Variants in PTPRD observed in about 807,000 individuals in gnomAD.
PTPRD encodes protein tyrosine phosphatase receptor type D.
Under a neutral mutation model 214.5 loss-of-function variants are expected in PTPRD, and 34 were observed. That is an observed-to-expected ratio of 0.16 (90% CI 0.12 to 0.21). PTPRD has a LOEUF of 0.21. PTPRD is among the 10% of genes least tolerant of loss of function. PTPRD has a pLI of 1.00. For missense variants in PTPRD, 2,545 were observed against 2,398.7 expected (o/e 1.06, Z -1.27); for synonymous variants, 1,128 against 845.7 (o/e 1.33, Z -5.79).
intron 3 of PTPRD, among the ~76,000 whole-genome samples, chr9:10,089,765 T>C (rs1243501086): frequency 6.6e-6 from 1 of 151,614 alleles, no homozygotes; most frequent in Admixed American, 6.6e-5. Context: ...GGCCAAATTC[T>C]AACTTCTCTA....
At chr9:9,342,068 C>T (rs895844286) in intron 9 of PTPRD, among the ~76,000 whole-genome samples, 4 of 152,116 alleles carry the variant, frequency 2.6e-5, no homozygotes, top group African/African-American at 9.7e-5. Context: ...CTTGGCCTCC[C>T]AAAGTGCTGG....
chr9:10,112,218 C>G (rs905039320), intron 3 of PTPRD, among the ~76,000 whole-genome samples: 1 of 152,100 alleles, frequency 6.6e-6, no homozygotes, highest in Non-Finnish European at 1.5e-5. Flanking sequence ...CACCAGAAGC[C>G]GACTAGCCAG....
At chr9:10,103,389 ATATATT>A (rs1013522304) in intron 3 of PTPRD, among the ~76,000 whole-genome samples, 2 of 139,410 alleles carry the variant, frequency 1.4e-5, no homozygotes, top group African/African-American at 2.6e-5. Flanking sequence ...ATATATATAT[ATATATT>A]TATTTAAGAG....
chr9:10,587,131 T>C (rs182760034), intron 2 of PTPRD, among the ~76,000 whole-genome samples: 5 of 152,120 alleles, frequency 3.3e-5, no homozygotes, highest in Admixed American at 3.3e-4. Flanking sequence ...GGTGTAATCA[T>C]GAAAAGACCC....
intron 2 of PTPRD, among the ~76,000 whole-genome samples, chr9:10,389,301 T>A (rs2098003018): frequency 6.6e-6 from 1 of 151,896 alleles, no homozygotes; most frequent in Non-Finnish European, 1.5e-5. Context: ...ATGCTCCCAG[T>A]GTGAGAATTA....
intron 5 of PTPRD, among the ~76,000 whole-genome samples, chr9:9,807,771 G>T (rs1011184960): frequency 6.6e-6 from 1 of 152,086 alleles, no homozygotes; most frequent in African/African-American, 2.4e-5. Flanking sequence ...GAAAACATAG[G>T]ATTTCTACTC....
At chr9:9,891,530 A>T (rs551954241) in intron 5 of PTPRD, among the ~76,000 whole-genome samples, 11 of 152,236 alleles carry the variant, frequency 7.2e-5, no homozygotes, top group African/African-American at 2.4e-4. Flanking sequence ...CACTCTTAAC[A>T]ACACATATGA....
At chr9:8,677,529 A>T (rs925147101) in intron 12 of PTPRD, among the ~76,000 whole-genome samples, 1 of 152,156 alleles carries the variant, frequency 6.6e-6, no homozygotes, top group Non-Finnish European at 1.5e-5. Flanking sequence ...TTGAGGGTGG[A>T]GGGTGAGGAG....
chr9:9,826,996 A>G (rs1328676542), intron 5 of PTPRD, among the ~76,000 whole-genome samples: 2 of 152,164 alleles, frequency 1.3e-5, no homozygotes, highest in East Asian at 3.9e-4. Flanking sequence ...GCTCAATGAA[A>G]TAAATGAGGA....
intron 11 of PTPRD, among the ~76,000 whole-genome samples, chr9:8,789,814 T>A (rs928844237): frequency 1.3e-5 from 2 of 152,158 alleles, no homozygotes; most frequent in African/African-American, 2.4e-5. Flanking sequence ...TCCAGGTGGA[T>A]TGAAGACTTA....
intron 3 of PTPRD, among the ~76,000 whole-genome samples, chr9:10,270,480 T>G (rs1356930094): frequency 6.6e-6 from 1 of 152,182 alleles, no homozygotes. Context: ...ACAAAGCAAT[T>G]TTTATCTGTC....
chr9:9,980,187 C>CA (rs1257226514), intron 4 of PTPRD, among the ~76,000 whole-genome samples: 4 of 151,834 alleles, frequency 2.6e-5, no homozygotes, highest in African/African-American at 9.7e-5. Context: ...TTTTGATAAA[C>CA]AAAAATTAAC....
intron 3 of PTPRD, among the ~76,000 whole-genome samples, chr9:10,068,930 G>A (rs1414094976): frequency 6.6e-6 from 1 of 152,000 alleles, no homozygotes; most frequent in African/African-American, 2.4e-5. Flanking sequence ...TGCATTCGTA[G>A]ACTGCCTTCA....
At chr9:10,228,985 T>C (rs1175886299) in intron 3 of PTPRD, among the ~76,000 whole-genome samples, 2 of 151,914 alleles carry the variant, frequency 1.3e-5, no homozygotes, top group Non-Finnish European at 2.9e-5. Flanking sequence ...TGTTGACATT[T>C]CAGAAGCACT....
Position 10,466,648 on chromosome 9 carries a change from A to G in PTPRD, c.-599-125631T>C, listed in dbSNP as rs916849645. ...CAAAAAAAAAAAAAAAAAAAAAAAA[A>G]AAAGAAAAGAAATTTTATAACAACG... On this transcript the variant is annotated intron_variant, in intron 2 of 45. Transcript: ENST00000381196. Among the ~76,000 whole-genome samples the G allele has an allele frequency of 9.5e-3, 1,361 of 143,368 alleles. 18 individuals are homozygous for G. Among genetic ancestry groups the G allele is most frequent in the Non-Finnish European group, 0.015 (1,000 of 64,868 alleles). The allele number at this position is 143,368 out of a possible 152,430, so 94.1% of individuals were successfully genotyped here. A position where few individuals can be genotyped will look rare whatever the true frequency, so the allele number is the denominator to read the frequency against.
rs138599464 is a variant in PTPRD, at chr9:10,029,888, A to G, written c.-472+3830T>C. Among the ~76,000 whole-genome samples, 447 of 152,246 alleles carry G rather than the reference A, an allele frequency of 2.9e-3. 1 individual carries two copies. The highest frequency in any genetic ancestry group is 0.01 in the African/African-American group (424 of 41,544). The stretch of plus-strand genomic sequence containing the variant: ...ATGTGGTTTGGCTGTGTCCCCACTC[A>G]AATTTCATCTTGAATTTCCATGTGT... On this transcript the variant is annotated intron_variant, in intron 4 of 45. Transcript: ENST00000381196.
intron 5 of PTPRD, among the ~76,000 whole-genome samples, chr9:9,899,114 G>T (rs1054222309): frequency 6.6e-6 from 1 of 152,036 alleles, no homozygotes; most frequent in Non-Finnish European, 1.5e-5. Flanking sequence ...AATTAGAATT[G>T]TAAGTTTAAT....
intron 3 of PTPRD, among the ~76,000 whole-genome samples, chr9:10,094,518 TG>T (rs1237267459): frequency 1.5e-5 from 2 of 136,034 alleles, no homozygotes; most frequent in East Asian, 2.2e-4. Context: ...AACAACAGTA[TG>T]GTTTTTTTTT....
intron 11 of PTPRD, among the ~76,000 whole-genome samples, chr9:8,824,137 T>G (rs2097130628): frequency 6.6e-6 from 1 of 152,210 alleles, no homozygotes; most frequent in African/African-American, 2.4e-5. Context: ...AAGGTTTTCA[T>G]GGCCTGTATT....
Sources: allele counts gnomAD v4.1 joint callset (sites outside exome capture counted in the v4.1 genomes callset), GRCh38; gene constraint gnomAD v4.1.1; transcripts MANE v1.5; gene names NCBI Gene and HGNC (gene_info 2026-07-23, HGNC 2026-07-21).